Variants in CABLES1 observed in about 807,000 individuals in gnomAD.
CABLES1 encodes Cdk5 and Abl enzyme substrate 1.
Under a neutral mutation model 57.8 loss-of-function variants are expected in CABLES1, and 36 were observed. That is an observed-to-expected ratio of 0.62 (90% confidence interval 0.48 to 0.82). CABLES1 has a LOEUF of 0.82. Among genes scored for constraint, CABLES1 ranks in the 40% least tolerant of loss-of-function variants. CABLES1 has a pLI of 0.00. For missense variants in CABLES1, 767 were observed against 836.6 expected (o/e 0.92, Z 1.03); for synonymous variants, 374 against 363.0 (o/e 1.03, Z -0.35).
chr18:23,140,112 G>T, intron 1 of CABLES1, among the ~76,000 whole-genome samples: 1 of 152,234 alleles, frequency 6.6e-6, no homozygotes, highest in East Asian at 1.9e-4. Context: ...GTCAGGTGCA[G>T]TGTCAGAGGT....
intron 5 of CABLES1, 86 bp downstream of exon 5, chr18:23,234,790 T>C (rs1468073046): frequency 9.1e-7 from 1 of 1,098,278 alleles, no homozygotes; most frequent in Non-Finnish European, 1.4e-6. Context: ...CACAAGCCTC[T>C]CTTGAGGTGG....
At chr18:23,142,826 C>T (rs1450788399) in intron 1 of CABLES1, among the ~76,000 whole-genome samples, 2 of 152,118 alleles carry the variant, frequency 1.3e-5, no homozygotes, top group African/African-American at 2.4e-5. Flanking sequence ...GGTGCAGGGA[C>T]GTTTCACACC....
In CABLES1 at chr18:23,242,278, CA is replaced by C. The variant is rs796547831; in HGVS notation, c.1446+5043del. On this transcript the variant is annotated intron_variant, in intron 7 of 9. Coordinates refer to ENST00000256925, the MANE Select transcript of CABLES1 (RefSeq NM_001100619.3). ...GGGTGACGAGAATGAAACTCTGTCTCAAAAAAAAAATTCCTGGGGCAGGTGT... is the reference window on the plus strand; with the variant it reads ...GGGTGACGAGAATGAAACTCTGTCTCAAAAAAAAATTCCTGGGGCAGGTGT... Among the ~76,000 whole-genome samples the C allele has an allele frequency of 1.5e-4, 23 of 149,672 alleles. No homozygotes were observed. In the East Asian group the frequency reaches 2.7e-3, roughly 18 times the overall value.
intron 1 of CABLES1, among the ~76,000 whole-genome samples, chr18:23,143,715 C>T (rs2046872814): frequency 6.6e-6 from 1 of 152,098 alleles, no homozygotes; most frequent in African/African-American, 2.4e-5. Flanking sequence ...AGGAAGTGTG[C>T]AGGTCCCCTT....
intron 1 of CABLES1, among the ~76,000 whole-genome samples, chr18:23,168,906 T>C (rs1365127363): frequency 1.3e-5 from 2 of 152,130 alleles, no homozygotes; most frequent in African/African-American, 4.8e-5. Context: ...CCTTCTTAAA[T>C]AGGAGCTGGG....
chr18:23,171,018 G>A (rs555521425), intron 1 of CABLES1, among the ~76,000 whole-genome samples: 1 of 152,300 alleles, frequency 6.6e-6, no homozygotes, highest in African/African-American at 2.4e-5. Context: ...GGCTGGTCTC[G>A]AACTCCTGAC....
At chr18:23,146,137 T>C (rs939849822) in intron 1 of CABLES1, among the ~76,000 whole-genome samples, 4 of 152,246 alleles carry the variant, frequency 2.6e-5, no homozygotes, top group African/African-American at 9.6e-5. Flanking sequence ...GACCAAATTA[T>C]TTATAAAGCA....
At chr18:23,197,109 C>G (rs2047289877) in intron 3 of CABLES1, 1 of 152,190 alleles carries the variant, frequency 6.6e-6, no homozygotes, top group South Asian at 2.1e-4. Flanking sequence ...CCAAGAGTTT[C>G]AAGCACATTT....
intron 4 of CABLES1, among the ~76,000 whole-genome samples, chr18:23,219,985 G>A (rs114487121): frequency 6.6e-5 from 10 of 152,186 alleles, no homozygotes; most frequent in East Asian, 3.9e-4. Flanking sequence ...GGTGTGGGCC[G>A]CGAGGCTAGG....
chr18:23,197,831 A>G (rs1242069637), intron 3 of CABLES1: 1 of 152,254 alleles, frequency 6.6e-6, no homozygotes, highest in Non-Finnish European at 1.5e-5. Flanking sequence ...ACGGTCGCAG[A>G]AAGTTTAGAC....
At chr18:23,196,277 A>G (rs1161379903) in intron 3 of CABLES1, among the ~76,000 whole-genome samples, 1 of 152,164 alleles carries the variant, frequency 6.6e-6, no homozygotes, top group Non-Finnish European at 1.5e-5. Flanking sequence ...TAGGGCAGGA[A>G]AGAAAGCTCT....
chr18:23,192,079 G>T (rs768358737), intron 2 of CABLES1, among the ~76,000 whole-genome samples: 1 of 152,196 alleles, frequency 6.6e-6, no homozygotes, highest in Non-Finnish European at 1.5e-5. Flanking sequence ...CTAGCACATC[G>T]TGGTTTGTTA....
rs565775731 is a variant in CABLES1, at chr18:23,236,166, A to G, written c.1342+115A>G. 761 of 1,165,980 alleles carry G rather than the reference A, an allele frequency of 6.5e-4. 2 individuals are homozygous for G. Among genetic ancestry groups the G allele is most frequent in the South Asian group, 2.4e-3 (157 of 66,434 alleles). 72.2% of individuals were successfully genotyped at this position (1,165,980 alleles called of 1,614,324 possible). ...TGGAAGACAGGGGCTCGCAGGTGAC[A>G]TGACTTTTAGGAAAGCCTGATCTCA... is the stretch of plus-strand genomic sequence containing the variant. On this transcript the variant is annotated intron_variant, in intron 6 of 9. Coordinates refer to ENST00000256925, the MANE Select transcript of CABLES1 (RefSeq NM_001100619.3).
intron 1 of CABLES1, among the ~76,000 whole-genome samples, chr18:23,140,756 T>C (rs773011097): frequency 3.9e-5 from 6 of 152,158 alleles, no homozygotes; most frequent in Non-Finnish European, 7.3e-5. Flanking sequence ...TATTAAAAAA[T>C]AGCATGAGGG....
intron 1 of CABLES1, among the ~76,000 whole-genome samples, chr18:23,151,070 G>C (rs2046926797): frequency 7.0e-6 from 1 of 143,644 alleles, no homozygotes; most frequent in African/African-American, 2.6e-5. Flanking sequence ...CCAGGCTGGA[G>C]TGCAGTGGCG....
chr18:23,220,329 C>A (rs1296655893), intron 4 of CABLES1, among the ~76,000 whole-genome samples: 1 of 152,206 alleles, frequency 6.6e-6, no homozygotes, highest in East Asian at 1.9e-4. Context: ...CACTGGTCCA[C>A]ATGCTTTATA....
chr18:23,156,137 A>G (rs1358222087), intron 1 of CABLES1, among the ~76,000 whole-genome samples: 1 of 152,110 alleles, frequency 6.6e-6, no homozygotes, highest in Non-Finnish European at 1.5e-5. Context: ...GCATGAGGTC[A>G]TCTGGAACAG....
At chr18:23,212,161 G>A (rs1029746540) in intron 3 of CABLES1, among the ~76,000 whole-genome samples, 1 of 152,244 alleles carries the variant, frequency 6.6e-6, no homozygotes, top group African/African-American at 2.4e-5. Context: ...TTAGCACAGA[G>A]GTCTGAAGAG....
chr18:23,240,721 G>GC (rs1326121584), intron 7 of CABLES1, among the ~76,000 whole-genome samples: 4 of 152,168 alleles, frequency 2.6e-5, no homozygotes, highest in Non-Finnish European at 5.9e-5. Context: ...TCTTCCTCGG[G>GC]CCCCCAGGGC....
Sources: gnomAD v4.1 joint callset for allele counts (sites outside exome capture counted in the v4.1 genomes callset) on GRCh38, gnomAD v4.1.1 for gene constraint, MANE v1.5 for transcripts, NCBI Gene and HGNC (gene_info 2026-07-23, HGNC 2026-07-21) for gene names.